DGKB: variants seen among roughly 807,000 people sequenced by gnomAD.
DGKB encodes diacylglycerol kinase beta.
Under a neutral mutation model 114.3 loss-of-function variants are expected in DGKB, and 67 were observed. That is an observed-to-expected ratio of 0.59 (90% CI 0.48 to 0.72). The LOEUF is 0.72. Ranked by LOEUF, DGKB falls within the 30% of genes least tolerant of loss-of-function variation. The pLI is 0.00. For synonymous variants in DGKB, 398 were observed against 323.1 expected (o/e 1.23, Z -2.49); for missense variants, 907 against 975.2 (o/e 0.93, Z 0.93).
chr7:14,785,089 A>C (rs1365907619), intron 2 of DGKB, among the ~76,000 whole-genome samples: 1 of 152,200 alleles, frequency 6.6e-6, no homozygotes, highest in Non-Finnish European at 1.5e-5. Context: ...TAAAGAGTCA[A>C]CTAAATATCA....
At chr7:14,944,390 T>C (rs967331874) in intron 1 of DGKB, among the ~76,000 whole-genome samples, 2 of 151,950 alleles carry the variant, frequency 1.3e-5, no homozygotes, top group African/African-American at 4.8e-5. Context: ...TAACAGCTGA[T>C]GACAAAGGAT....
At position 14,251,165 on chromosome 7, in the gene DGKB, A is replaced by AT. The variant is rs1795180254; in HGVS notation, c.2123-73015dup. ...TACTAGGACAGGACTTCCCACTGTT[A>AT]TTTTGTTGTTTTCTGACTGCTTTGC... On this transcript the variant is annotated intron_variant, in intron 23 of 25. Coordinates refer to ENST00000402815, the MANE Select transcript of DGKB (RefSeq NM_001350709.2). Among the ~76,000 whole-genome samples, 3 of 151,922 alleles carry AT rather than the reference A, an allele frequency of 2.0e-5. 1 individual carries two copies. The South Asian group carries it at 6.2e-4, about 32-fold the overall frequency.
chr7:14,745,878 A>G (rs1833209428), intron 4 of DGKB, among the ~76,000 whole-genome samples: 1 of 152,214 alleles, frequency 6.6e-6, no homozygotes, highest in Non-Finnish European at 1.5e-5. Context: ...TTCCTGCATC[A>G]CTGGCATTTC....
intron 2 of DGKB, among the ~76,000 whole-genome samples, chr7:14,783,073 A>C (rs1839367665): frequency 6.6e-6 from 1 of 152,116 alleles, no homozygotes. Context: ...TTAACTTTCC[A>C]TTTGGCTATT....
At chr7:14,720,270 C>T (rs1044694905) in intron 5 of DGKB, among the ~76,000 whole-genome samples, 16 of 151,920 alleles carry the variant, frequency 1.1e-4, no homozygotes, top group East Asian at 7.7e-4. Context: ...TGAAAAAACA[C>T]GGCTTTGGGT....
chr7:14,347,147 C>T (rs1812613130), intron 21 of DGKB, among the ~76,000 whole-genome samples: 1 of 151,908 alleles, frequency 6.6e-6, no homozygotes, highest in Non-Finnish European at 1.5e-5. Context: ...GGGAGTATGC[C>T]TGGACATGTG....
intron 2 of DGKB, among the ~76,000 whole-genome samples, chr7:14,809,826 A>G (rs944496994): frequency 2.0e-5 from 3 of 152,194 alleles, no homozygotes; most frequent in African/African-American, 7.2e-5. Context: ...TTGTTGCTCT[A>G]AACTACATGT....
chr7:14,725,377 T>G (rs1304515387), intron 5 of DGKB, among the ~76,000 whole-genome samples: 1 of 152,122 alleles, frequency 6.6e-6, no homozygotes, highest in African/African-American at 2.4e-5. Context: ...TTATTCTCAG[T>G]AATTTGAATA....
chr7:14,516,848 G>C (rs939172212), intron 20 of DGKB, among the ~76,000 whole-genome samples: 1 of 151,992 alleles, frequency 6.6e-6, no homozygotes, highest in Non-Finnish European at 1.5e-5. Flanking sequence ...TCATGGACAG[G>C]AAGAGACAAT....
intron 25 of DGKB, among the ~76,000 whole-genome samples, chr7:14,169,477 A>C (rs1780519863): frequency 6.6e-6 from 1 of 152,178 alleles, no homozygotes; most frequent in African/African-American, 2.4e-5. Context: ...TCTATTTCTA[A>C]AGCACAAAAT....
chr7:14,533,237 T>G (rs935054018), intron 20 of DGKB, among the ~76,000 whole-genome samples: 1 of 151,808 alleles, frequency 6.6e-6, no homozygotes, highest in African/African-American at 2.4e-5. Context: ...ACAGACAGCC[T>G]CTATAGTAGA....
chr7:14,394,407 A>T (rs769580153), intron 21 of DGKB, among the ~76,000 whole-genome samples: 2 of 152,180 alleles, frequency 1.3e-5, no homozygotes, highest in Non-Finnish European at 2.9e-5. Flanking sequence ...TTGACAAAGA[A>T]TATATCATTA....
Position 14,672,944 on chromosome 7 carries a change from G to C in DGKB, c.1119C>G (p.Ile373Met). The C allele has an allele frequency of 6.4e-7, 1 of 1,567,290 alleles. No homozygotes were observed. The highest frequency in any genetic ancestry group is 8.7e-7 in the Non-Finnish European group (1 of 1,153,408). The change falls in exon 13 of 26, where the codon ATC becomes ATG. Residue 373 changes from isoleucine to methionine, a missense_variant. This residue lies in a region of DGKB where 814 missense variants were observed against 856.6 expected (regional missense o/e 0.95). Coordinates refer to ENST00000402815, the MANE Select transcript of DGKB (RefSeq NM_001350709.2). ...LKDHILPPTT[I>M]CPVVLTLPTS... The stretch of plus-strand genomic sequence containing the variant: ...AAAAACTCACCAGTACCACTGGACA[G>C]ATTGTTGTGGGTGGTAAAATATGGT...
chr7:14,946,433 A>C (rs1470410432), intron 1 of DGKB, among the ~76,000 whole-genome samples: 1 of 151,726 alleles, frequency 6.6e-6, no homozygotes, highest in Admixed American at 6.6e-5. Flanking sequence ...CATCGTAATC[A>C]TGGCACTATT....
chr7:14,859,183 G>C (rs1332482009), intron 1 of DGKB, among the ~76,000 whole-genome samples: 1 of 152,072 alleles, frequency 6.6e-6, no homozygotes, highest in African/African-American at 2.4e-5. Flanking sequence ...TCGAGGCAGA[G>C]AGTATGGGGT....
chr7:14,474,044 G>C (rs1781808011), intron 21 of DGKB, among the ~76,000 whole-genome samples: 1 of 152,166 alleles, frequency 6.6e-6, no homozygotes, highest in African/African-American at 2.4e-5. Flanking sequence ...GGACTATTGG[G>C]AAGGCATGAT....
At chr7:14,647,028 GA>G (rs759198811) in intron 13 of DGKB, among the ~76,000 whole-genome samples, 8 of 151,378 alleles carry the variant, frequency 5.3e-5, no homozygotes, top group Non-Finnish European at 1.2e-4. Flanking sequence ...TCAACAAAAT[GA>G]AAAGTTAGTT....
intron 23 of DGKB, among the ~76,000 whole-genome samples, chr7:14,245,261 G>A (rs1380996686): frequency 6.6e-6 from 1 of 152,064 alleles, no homozygotes; most frequent in Non-Finnish European, 1.5e-5. Context: ...ATGTCCTACT[G>A]AAAAGTGTAC....
chr7:14,839,521 C>A (rs1317866490), intron 2 of DGKB, among the ~76,000 whole-genome samples: 1 of 151,230 alleles, frequency 6.6e-6, no homozygotes, highest in Non-Finnish European at 1.5e-5. Context: ...CTCACCTCAG[C>A]CTGCCAAGTA....
Sources: gnomAD v4.1 joint callset for allele counts (sites outside exome capture counted in the v4.1 genomes callset) on GRCh38, gnomAD v4.1.1 for gene constraint, gnomAD v4.1.1 regional missense constraint, MANE v1.5 for transcripts, NCBI Gene and HGNC (gene_info 2026-07-23, HGNC 2026-07-21) for gene names.